ITGA2: variants seen among roughly 807,000 people sequenced by gnomAD.
The protein encoded by ITGA2 is integrin alpha-2.
In ITGA2, 101 loss-of-function variants were observed where a neutral mutation model predicts 146.3. The observed-to-expected ratio is 0.69, with a 90% CI of 0.59 to 0.81. The LOEUF (loss-of-function observed/expected upper bound fraction) is 0.81, where lower values mean the gene tolerates loss of function less well. ITGA2 is among the 40% of genes least tolerant of loss of function. ITGA2 has a pLI of 0.00. For synonymous variants in ITGA2, 477 were observed against 487.1 expected (o/e 0.98, Z 0.27); for missense variants, 1,281 against 1,402.7 (o/e 0.91, Z 1.39).
chr5:53,023,137 T>G (rs994292952), intron 1 of ITGA2, among the ~76,000 whole-genome samples: 16 of 152,204 alleles, frequency 1.1e-4, no homozygotes, highest in Non-Finnish European at 4.4e-5. Flanking sequence ...AGAAGGAAGA[T>G]TTATACTCTG....
chr5:52,989,845 C>G (rs1002936988), intron 1 of ITGA2, among the ~76,000 whole-genome samples: 1 of 144,564 alleles, frequency 6.9e-6, no homozygotes, highest in East Asian at 2.0e-4. Flanking sequence ...CAGACAGACA[C>G]GCACGCACTC....
intron 1 of ITGA2, among the ~76,000 whole-genome samples, chr5:53,003,198 A>G (rs781570402): frequency 4.6e-5 from 7 of 152,216 alleles, no homozygotes; most frequent in Admixed American, 1.3e-4. Flanking sequence ...ATTACAATCC[A>G]TTTTCACTTG....
chr5:52,998,200 T>TG (rs1222291410), intron 1 of ITGA2, among the ~76,000 whole-genome samples: 3 of 152,190 alleles, frequency 2.0e-5, no homozygotes, highest in Non-Finnish European at 4.4e-5. Flanking sequence ...CCGAGTGCAG[T>TG]GGCTCATGCC....
In ITGA2 at chr5:53,048,744, C is replaced by A. The variant is rs761338581; in HGVS notation, c.604C>A (p.Leu202Met). The A allele has an allele frequency of 1.2e-6, 2 of 1,613,862 alleles. No homozygotes were observed. The highest frequency in any genetic ancestry group is 2.2e-5 in the South Asian group (2 of 91,062). ...KNFLEKFVQG[L>M]DIGPTKTQVG... ...TTTTTTGGAAAAATTTGTACAAGGCCTGGATATAGGCCCCACAAAGACACA... is the reference window on the plus strand; with the variant it reads ...TTTTTTGGAAAAATTTGTACAAGGCATGGATATAGGCCCCACAAAGACACA... The change falls in exon 6 of 30, where the codon CTG becomes ATG. Residue 202 changes from leucine (L) to methionine (M), a missense_variant. Transcript: ENST00000296585.
intron 17 of ITGA2, among the ~76,000 whole-genome samples, chr5:53,070,897 A>G (rs112169416): frequency 6.6e-6 from 1 of 151,036 alleles, no homozygotes; most frequent in Non-Finnish European, 1.5e-5. Flanking sequence ...TCACTTTTTT[A>G]AAAGGATATT....
intron 2 of ITGA2, among the ~76,000 whole-genome samples, chr5:53,033,620 CAG>C (rs1579827145): frequency 6.6e-6 from 1 of 151,958 alleles, no homozygotes; most frequent in Non-Finnish European, 1.5e-5. Flanking sequence ...TAATTTGAGA[CAG>C]AGTCTCAGTC....
At chr5:53,059,745 A>G (rs1347310963) in intron 10 of ITGA2, 129 bp from the exon 11 acceptor site, 2 of 895,584 alleles carry the variant, frequency 2.2e-6, no homozygotes, top group South Asian at 2.9e-5. Flanking sequence ...CAATATGTCA[A>G]TATATGTTCA....
chr5:53,069,441 C>T (rs900165097), intron 16 of ITGA2, among the ~76,000 whole-genome samples: 2 of 151,872 alleles, frequency 1.3e-5, no homozygotes, highest in Non-Finnish European at 2.9e-5. Context: ...GTGTTGCATG[C>T]ATTTCCCTAT....
chr5:53,093,649 G>A lies in ITGA2; in HGVS notation c.*3050G>A, dbSNP rs1313973232. On this transcript the variant is annotated 3_prime_UTR_variant, in exon 30 of 30. Coordinates refer to ENST00000296585, the MANE Select transcript of ITGA2 (RefSeq NM_002203.4). The stretch of plus-strand genomic sequence containing the variant: ...TAAGTATTCATACAAGAAATTTAGG[G>A]GGAAAAAACATTGTTTAAATAAAAG... 6.6e-6 allele frequency: 1 copy of A among 152,024 alleles called. No homozygotes were observed. The highest frequency in any genetic ancestry group is 1.5e-5 in the Non-Finnish European group (1 of 68,010). The allele number at this position is 152,024 out of a possible 1,614,324, so 9.4% of individuals were successfully genotyped here.
intron 1 of ITGA2, among the ~76,000 whole-genome samples, chr5:53,009,166 A>G (rs153141): frequency 0.35 from 53,507 of 151,968 alleles, 9,843 homozygotes; most frequent in South Asian, 0.51. Context: ...CATCATAAAC[A>G]CAATGCTAAG....
At position 53,090,807 on chromosome 5, in the gene ITGA2, G is replaced by C; in HGVS notation, c.*208G>C. On this transcript the variant is annotated 3_prime_UTR_variant, in exon 30 of 30. Coordinates refer to ENST00000296585, the MANE Select transcript of ITGA2 (RefSeq NM_002203.4). ...GCGGGGGGCAGGTAGGGAAATAATA[G>C]GGAAAATACCTATTTTATATGATGG... The C allele has an allele frequency of 1.6e-6, 1 of 610,844 alleles. No homozygotes were observed. The highest frequency in any genetic ancestry group is 2.9e-6 in the Non-Finnish European group (1 of 341,414). 37.8% of individuals were successfully genotyped at this position (610,844 alleles called of 1,614,324 possible). A position where few individuals can be genotyped will look rare whatever the true frequency, so the allele number is the denominator to read the frequency against.
chr5:53,058,161 G>A, intron 10 of ITGA2, 60 bp downstream of exon 10: 3 of 1,227,634 alleles, frequency 2.4e-6, no homozygotes, highest in South Asian at 2.4e-5. Context: ...TCCAGACACA[G>A]TAGCCTTATA....
chr5:53,057,229 C>T (rs932065282), intron 9 of ITGA2, among the ~76,000 whole-genome samples: 3 of 151,878 alleles, frequency 2.0e-5, no homozygotes, highest in Non-Finnish European at 4.4e-5. Context: ...CTTTGGGGAA[C>T]ATTATTCTAT....
rs760873794 is a variant in ITGA2, at chr5:53,091,940, A to C, written c.*1341A>C. On this transcript the variant is annotated 3_prime_UTR_variant, in exon 30 of 30. Coordinates refer to ENST00000296585, the MANE Select transcript of ITGA2 (RefSeq NM_002203.4). The stretch of plus-strand genomic sequence containing the variant: ...ACCTTCTGTGGCTGTCTTGTTTCTG[A>C]AGTACTTAAACTTCCACAAGAGTGA... The C allele has an allele frequency of 1.3e-5, 2 of 152,198 alleles. No individual in the cohort carries two copies. The highest frequency in any genetic ancestry group is 2.4e-5 in the African/African-American group (1 of 41,448). 9.4% of individuals were successfully genotyped at this position (152,198 alleles called of 1,614,324 possible).
chr5:52,991,458 G>A (rs1412573993), intron 1 of ITGA2, among the ~76,000 whole-genome samples: 1 of 151,968 alleles, frequency 6.6e-6, no homozygotes, highest in African/African-American at 2.4e-5. Context: ...ATTATAGTAT[G>A]TACAATTGCA....
intron 2 of ITGA2, among the ~76,000 whole-genome samples, chr5:53,033,208 G>T (rs1230881757): frequency 6.6e-6 from 1 of 152,080 alleles, no homozygotes; most frequent in Non-Finnish European, 1.5e-5. Flanking sequence ...GGCAGATGTT[G>T]CAGTGAGCTG....
At chr5:53,050,412 A>T (rs1744299352) in intron 6 of ITGA2, among the ~76,000 whole-genome samples, 1 of 152,054 alleles carries the variant, frequency 6.6e-6, no homozygotes, top group African/African-American at 2.4e-5. Flanking sequence ...TGAAATTCTC[A>T]GTTATTTTTT....
chr5:53,045,746 A>T (rs1170283333), intron 4 of ITGA2, among the ~76,000 whole-genome samples: 3 of 152,218 alleles, frequency 2.0e-5, no homozygotes, highest in African/African-American at 7.2e-5. Context: ...TAGAAAAAAT[A>T]ATATAGGAAA....
chr5:53,075,171 G>A, intron 22 of ITGA2, 34 bp downstream of exon 22: 1 of 1,602,942 alleles, frequency 6.2e-7, no homozygotes, highest in Non-Finnish European at 8.5e-7. Context: ...TGGAATGATG[G>A]ATAGCTTTGT....
Sources: allele counts gnomAD v4.1 joint callset (sites outside exome capture counted in the v4.1 genomes callset), GRCh38; gene constraint gnomAD v4.1.1; transcripts MANE v1.5; gene names NCBI Gene and HGNC (gene_info 2026-07-23, HGNC 2026-07-21).